SYNRG: variants seen among roughly 807,000 people sequenced by gnomAD.
SYNRG encodes synergin gamma.
A neutral mutation model predicts 130.9 loss-of-function variants in SYNRG; 37 were observed. The observed-to-expected ratio is 0.28, with a 90% CI of 0.22 to 0.37. SYNRG has a LOEUF of 0.37. SYNRG is among the 10% of genes least tolerant of loss of function. The probability of loss-of-function intolerance (pLI) is 1.00; values close to 1 mark genes in which losing one functional copy is unlikely to be tolerated. For synonymous variants in SYNRG, 539 were observed against 568.1 expected, an observed-to-expected ratio of 0.95 and a Z score of 0.73; for missense variants, 1,338 against 1,588.9, an observed-to-expected ratio of 0.84 and a Z score of 2.68.
At position 37,581,857 on chromosome 17, in the gene SYNRG, T is replaced by C. The variant is rs552468534; in HGVS notation, c.589+2791A>G. Among the ~76,000 whole-genome samples, 29 of 151,310 alleles carry C rather than the reference T, an allele frequency of 1.9e-4. 1 individual carries two copies. In the South Asian group the frequency reaches 5.4e-3, roughly 28 times the overall value. ...TCCGCTCACAGCAACCTCTGCCTCC[T>C]GGGTTCAAGAGATTCTCCTGCCTCA... On this transcript the variant is annotated intron_variant, in intron 6 of 21. Transcript: ENST00000612223.
chr17:37,576,236 C>A (rs981038469), intron 8 of SYNRG, 105 bp downstream of exon 8: 5 of 1,094,474 alleles, frequency 4.6e-6, no homozygotes, highest in East Asian at 2.5e-5. Flanking sequence ...AGTGACAACT[C>A]CTCCTGCATT....
intron 14 of SYNRG, among the ~76,000 whole-genome samples, chr17:37,546,674 T>C (rs746901021): frequency 7.2e-5 from 11 of 152,204 alleles, no homozygotes; most frequent in Non-Finnish European, 1.2e-4. Flanking sequence ...CCAGGGACAT[T>C]TGCTAAAGCT....
At chr17:37,591,620 C>A (rs2062199865) in intron 3 of SYNRG, among the ~76,000 whole-genome samples, 1 of 152,114 alleles carries the variant, frequency 6.6e-6, no homozygotes, top group African/African-American at 2.4e-5. Flanking sequence ...AACAATAGAA[C>A]AGAACAGAGA....
chr17:37,544,508 T>C (rs894534900), intron 14 of SYNRG, among the ~76,000 whole-genome samples: 10 of 151,296 alleles, frequency 6.6e-5, no homozygotes, highest in African/African-American at 1.7e-4. Context: ...AGAGACGGGG[T>C]TTCACCATGT....
At chr17:37,563,779 G>A (rs1043614671) in intron 11 of SYNRG, among the ~76,000 whole-genome samples, 1 of 151,574 alleles carries the variant, frequency 6.6e-6, no homozygotes, top group African/African-American at 2.4e-5. Context: ...CAAGTGATCT[G>A]TCCGCCTTGG....
Position 37,587,650 on chromosome 17 carries a change from T to C in SYNRG, c.241-1101A>G, listed in dbSNP as rs184483283. Among the ~76,000 whole-genome samples the C allele has an allele frequency of 2.1e-3, 319 of 152,346 alleles. 5 individuals carry two copies. Among genetic ancestry groups the C allele is most frequent in the Non-Finnish European group, 9.3e-4 (63 of 68,032 alleles). On this transcript the variant is annotated intron_variant, in intron 3 of 21. Transcript: ENST00000612223. ...GACCCTCAACTTCCTCACTCTTCAG[T>C]TGAACACTTCAGACATTGCTGTCTT... is the stretch of plus-strand genomic sequence containing the variant.
intron 4 of SYNRG, 103 bp downstream of exon 4, chr17:37,586,316 T>C: frequency 2.7e-6 from 4 of 1,496,950 alleles, no homozygotes; most frequent in South Asian, 1.3e-5. Flanking sequence ...AAGACAACTT[T>C]TGACTGTTTT....
chr17:37,548,572 C>T (rs957603218), intron 14 of SYNRG, among the ~76,000 whole-genome samples: 1 of 152,160 alleles, frequency 6.6e-6, no homozygotes. Context: ...AATCCCACTA[C>T]TTTGGGAGGC....
chr17:37,558,971 A>G (rs1049837936), intron 13 of SYNRG, among the ~76,000 whole-genome samples: 3 of 152,186 alleles, frequency 2.0e-5, no homozygotes, highest in Admixed American at 6.5e-5. Context: ...TCATCTTTGT[A>G]GGAATCCAAT....
rs565449738 is a variant in SYNRG at position 37,602,293 on chromosome 17, C to T, written c.78-1890G>A. Among the ~76,000 whole-genome samples, 8 of 150,922 alleles carry T rather than the reference C, an allele frequency of 5.3e-5. No homozygotes were observed. The East Asian group carries it at 7.9e-4, about 15-fold the overall frequency. On this transcript the variant is annotated intron_variant, in intron 1 of 21. Coordinates refer to ENST00000612223, the MANE Select transcript of SYNRG (RefSeq NM_007247.6). ...CGGAGGTTGCAGTGAGCCAAGATCGCGCCATTGCACTTCAGCCTGGGCAAC... is the reference window on the plus strand; with the variant it reads ...CGGAGGTTGCAGTGAGCCAAGATCGTGCCATTGCACTTCAGCCTGGGCAAC...
chr17:37,593,124 A>G (rs1272561443), intron 3 of SYNRG, among the ~76,000 whole-genome samples: 1 of 152,150 alleles, frequency 6.6e-6, no homozygotes, highest in African/African-American at 2.4e-5. Flanking sequence ...AATCAAGACT[A>G]AATTTCTGGC....
At chr17:37,589,472 C>T (rs1439208026) in intron 3 of SYNRG, among the ~76,000 whole-genome samples, 1 of 152,130 alleles carries the variant, frequency 6.6e-6, no homozygotes, top group Non-Finnish European at 1.5e-5. Context: ...TATTTAGGGC[C>T]GGGCGCGGTG....
chr17:37,607,657 C>G (rs188039226), intron 1 of SYNRG, among the ~76,000 whole-genome samples: 1 of 152,082 alleles, frequency 6.6e-6, no homozygotes. Context: ...GGCGTGGTGG[C>G]GCACGCCTGT....
intron 19 of SYNRG, among the ~76,000 whole-genome samples, chr17:37,521,839 T>C (rs768562767): frequency 5.9e-5 from 9 of 151,530 alleles, no homozygotes; most frequent in South Asian, 2.1e-4. Context: ...ATGGGAGAGG[T>C]TGGGGGACCC....
In SYNRG at chr17:37,553,173, G is replaced by A. The variant is rs755885698; in HGVS notation, c.2550C>T (p.Val850=). 1 of 1,614,134 alleles carries A rather than the reference G, an allele frequency of 6.2e-7. No homozygotes were observed. ...LADVGGDLKH[V]MSDSSLDLPT... Reference sequence around the variant, plus strand: ...GTAAATCCAAAGAGCTATCAGACATGACATGCTTAAGATCTCCTCCCACAT... The same window carrying A: ...GTAAATCCAAAGAGCTATCAGACATAACATGCTTAAGATCTCCTCCCACAT... Residue 850 remains valine (V), a synonymous_variant, in exon 14 of 22, where the codon GTC becomes GTT. Transcript: ENST00000612223.
rs554572509 is a variant in SYNRG at position 37,609,352 on chromosome 17, C to A, written c.4G>T (p.Ala2Ser). The A allele has an allele frequency of 4.8e-6, 7 of 1,447,156 alleles. No individual in the cohort carries two copies. The African/African-American group carries it at 7.4e-5, about 15-fold the overall frequency. 89.6% of individuals were successfully genotyped at this position (1,447,156 alleles called of 1,614,324 possible). The part of the protein sequence containing the change: M[A>S]LRPGAGSGGG... The stretch of plus-strand genomic sequence containing the variant: ...CCAGAACCAGCTCCTGGCCGCAGCG[C>A]CATCTTGCTCCCGACCTGCCGCTGC... The change falls in exon 1 of 22, where the codon GCG becomes TCG. Residue 2 changes from alanine to serine, a missense_variant. Ala to Ser is a moderately conservative substitution (Grantham distance 99). This residue lies in a region of SYNRG where 184 missense variants were observed against 217.2 expected (regional missense o/e 0.85). Coordinates refer to ENST00000612223, the MANE Select transcript of SYNRG (RefSeq NM_007247.6).
chr17:37,545,489 T>TA (rs2058204450), intron 14 of SYNRG, among the ~76,000 whole-genome samples: 1 of 152,164 alleles, frequency 6.6e-6, no homozygotes, highest in Non-Finnish European at 1.5e-5. Context: ...ACTATGGTAA[T>TA]AAAAAGATCT....
At chr17:37,567,919 G>A (rs2060117758) in intron 11 of SYNRG, 1 of 152,160 alleles carries the variant, frequency 6.6e-6, no homozygotes, top group African/African-American at 2.4e-5. Flanking sequence ...TTTTTAAAAT[G>A]CCGTCTGGGC....
Position 37,518,945 on chromosome 17 carries a change from G to A in SYNRG, c.3940C>T (p.Leu1314Phe). ...ATGCTTCACAGAGGAGTTGTTCAGA[G>A]CAGGTCAGGCAGGACGAGGCCAGGA... The part of the protein sequence containing the change: ...KPPGLVLPDL[L>F] Residue 1314 changes from leucine to phenylalanine, a missense_variant, in exon 22 of 22, where the codon CTC becomes TTC. Coordinates refer to ENST00000612223, the MANE Select transcript of SYNRG (RefSeq NM_007247.6). 5 of 1,613,820 alleles carry A rather than the reference G, an allele frequency of 3.1e-6. No individual in the cohort carries two copies. The highest frequency in any genetic ancestry group is 4.2e-6 in the Non-Finnish European group (5 of 1,179,902).
Sources: allele counts gnomAD v4.1 joint callset (sites outside exome capture counted in the v4.1 genomes callset), GRCh38; gene constraint gnomAD v4.1.1; regional missense constraint gnomAD v4.1.1; transcripts MANE v1.5; gene names NCBI Gene and HGNC (gene_info 2026-07-23, HGNC 2026-07-21).